The following LNPK variants were observed in gnomAD, a reference collection of about 807,000 sequenced individuals.
LNPK encodes the protein endoplasmic reticulum junction formation protein lunapark.
LNPK carries 29 observed loss-of-function variants against 55.2 expected under a neutral mutation model. The ratio of observed to expected loss-of-function variants is 0.53; its 90% confidence interval spans 0.39 to 0.72. LNPK has a LOEUF of 0.72. LNPK is among the 30% of genes least tolerant of loss of function. The pLI, the probability that LNPK is intolerant of heterozygous loss-of-function variation, is 0.00. For missense variants in LNPK, 467 were observed against 494.8 expected (o/e 0.94, Z 0.53); for synonymous variants, 162 against 168.2 (o/e 0.96, Z 0.29).
chr2:175,960,733 GAC>G (rs1574851542), intron 8 of LNPK, among the ~76,000 whole-genome samples: 1 of 151,974 alleles, frequency 6.6e-6, no homozygotes, highest in South Asian at 2.1e-4. Context: ...AGGAGATAGA[GAC>G]ACAAAAAAAC....
At position 175,937,495 on chromosome 2, in the gene LNPK, A is replaced by C. The variant is rs1294870830; in HGVS notation, c.903T>G (p.Cys301Trp). Residue 301 changes from cysteine to tryptophan, a missense_variant, in exon 12 of 13, where the codon TGT becomes TGG. Transcript: ENST00000272748. ...FEYIAFRCAY[C>W]FFLNPARKTR... ...TTTTTCTTGCAGGGTTCAAGAAAAA[A>C]CAGTAGGCACATCGAAAAGCTGCAG... 1 of 1,610,692 alleles carries C rather than the reference A, an allele frequency of 6.2e-7. No homozygotes were observed. Among genetic ancestry groups the C allele is most frequent in the Non-Finnish European group, 8.5e-7 (1 of 1,178,864 alleles).
At chr2:175,990,447 G>C (rs1559073539) in intron 4 of LNPK, among the ~76,000 whole-genome samples, 1 of 152,158 alleles carries the variant, frequency 6.6e-6, no homozygotes, top group Non-Finnish European at 1.5e-5. Flanking sequence ...TTCTTGTACA[G>C]TCTGCAGAAC....
At chr2:175,956,857 A>G (rs978662647) in intron 8 of LNPK, among the ~76,000 whole-genome samples, 2 of 151,956 alleles carry the variant, frequency 1.3e-5, no homozygotes, top group Admixed American at 6.6e-5. Context: ...CAAAACCCCA[A>G]CCCTGCTTAA....
intron 2 of LNPK, chr2:175,994,415 C>T (rs761095867): frequency 2.0e-4 from 119 of 604,490 alleles, no homozygotes; most frequent in Non-Finnish European, 2.3e-4. Context: ...AATTGTGTAC[C>T]AAGTATAGTT....
intron 8 of LNPK, among the ~76,000 whole-genome samples, chr2:175,948,050 T>C (rs1236275320): frequency 6.6e-6 from 1 of 152,178 alleles, no homozygotes; most frequent in Non-Finnish European, 1.5e-5. Flanking sequence ...AAACTCCAAA[T>C]TGCAGATTTG....
At chr2:175,947,786 A>C in intron 8 of LNPK, 94 bp from the exon 9 acceptor site, 1 of 803,732 alleles carries the variant, frequency 1.2e-6, no homozygotes, top group Middle Eastern at 3.9e-4. Flanking sequence ...TTTACGCCCC[A>C]AAAGGCATTG....
chr2:175,935,013 T>C (rs1317846750), intron 12 of LNPK, among the ~76,000 whole-genome samples: 3 of 152,044 alleles, frequency 2.0e-5, no homozygotes, highest in East Asian at 3.9e-4. Flanking sequence ...CCATCCTAAA[T>C]GCGAAATCTT....
At chr2:175,952,024 G>A (rs1321677989) in intron 8 of LNPK, among the ~76,000 whole-genome samples, 1 of 151,722 alleles carries the variant, frequency 6.6e-6, no homozygotes. Flanking sequence ...TTGCCCATTT[G>A]TATATTTTCT....
chr2:175,931,921 G>A (rs1286172052), intron 12 of LNPK, among the ~76,000 whole-genome samples: 1 of 152,170 alleles, frequency 6.6e-6, no homozygotes, highest in Non-Finnish European at 1.5e-5. Context: ...ATGTATCCAA[G>A]ACAGAATGTT....
At chr2:175,970,170 A>G (rs1419823648) in intron 6 of LNPK, among the ~76,000 whole-genome samples, 1 of 152,200 alleles carries the variant, frequency 6.6e-6, no homozygotes, top group Non-Finnish European at 1.5e-5. Flanking sequence ...ACTACTATGT[A>G]TCAATATCTA....
chr2:175,930,319 A>ACACAC (rs1490647796), intron 12 of LNPK, 120 bp from the exon 13 acceptor site: 9 of 531,868 alleles, frequency 1.7e-5, no homozygotes, highest in Middle Eastern at 4.6e-4. Context: ...CACACACACA[A>ACACAC]AGAAACCATA....
chr2:175,960,543 G>A (rs1182960368), intron 8 of LNPK, among the ~76,000 whole-genome samples: 1 of 152,172 alleles, frequency 6.6e-6, no homozygotes, highest in Non-Finnish European at 1.5e-5. Flanking sequence ...CAGAATCTCT[G>A]GGACACATTT....
chr2:175,969,913 T>C (rs542774507), intron 6 of LNPK, among the ~76,000 whole-genome samples: 1 of 152,288 alleles, frequency 6.6e-6, no homozygotes, highest in South Asian at 2.1e-4. Flanking sequence ...CAGTATCTAT[T>C]ATCATCAATT....
intron 9 of LNPK, 76 bp from the exon 10 acceptor site, chr2:175,939,733 A>G (rs1684726506): frequency 1.5e-6 from 1 of 647,718 alleles, no homozygotes; most frequent in Non-Finnish European, 2.6e-6. Context: ...ACCAAGAACT[A>G]CCTATACTTG....
intron 6 of LNPK, among the ~76,000 whole-genome samples, 167 bp downstream of exon 6, chr2:175,970,597 C>G (rs1039741433): frequency 6.6e-6 from 1 of 152,118 alleles, no homozygotes; most frequent in Non-Finnish European, 1.5e-5. Flanking sequence ...TTTTTCCTGT[C>G]AATCATTATT....
At position 175,967,777 on chromosome 2, in the gene LNPK, T is replaced by C. The variant is rs1352786981; in HGVS notation, c.357+2987A>G. 7.2e-6 allele frequency: 7 copies of C among 971,286 alleles called. No homozygotes were observed. In the East Asian group the frequency reaches 8.0e-4, roughly 111 times the overall value. 60.2% of individuals were successfully genotyped at this position (971,286 alleles called of 1,614,324 possible). Reference sequence around the variant, plus strand: ...ACAATAATAGTCACATCTTTCTTCTTTGCATTTCTTCTGTTATTGTGTAGC... The same window carrying C: ...ACAATAATAGTCACATCTTTCTTCTCTGCATTTCTTCTGTTATTGTGTAGC... On this transcript the variant is annotated intron_variant, in intron 6 of 12. Transcript: ENST00000272748.
chr2:175,997,672 T>C (rs1687990930), intron 1 of LNPK, among the ~76,000 whole-genome samples: 1 of 151,416 alleles, frequency 6.6e-6, no homozygotes, highest in African/African-American at 2.4e-5. Context: ...ACTTAGTAAG[T>C]ACTTCATTTC....
chr2:175,958,685 T>C lies in LNPK; in HGVS notation c.493+5687A>G, dbSNP rs1685829806. ...TCTCTTCCGAAGGATTGCAGCTCCTTGCCAGAAAAGGAACAAAGCTGGATG... is the reference window on the plus strand; with the variant it reads ...TCTCTTCCGAAGGATTGCAGCTCCTCGCCAGAAAAGGAACAAAGCTGGATG... On this transcript the variant is annotated intron_variant, in intron 8 of 12. Coordinates refer to ENST00000272748, the MANE Select transcript of LNPK (RefSeq NM_030650.3). Among the ~76,000 whole-genome samples, 3 of 152,068 alleles carry C rather than the reference T, an allele frequency of 2.0e-5. No homozygotes were observed. In the South Asian group the frequency reaches 6.2e-4, roughly 31 times the overall value.
intron 8 of LNPK, among the ~76,000 whole-genome samples, chr2:175,958,620 G>C (rs1003514537): frequency 1.3e-5 from 2 of 152,170 alleles, no homozygotes; most frequent in Non-Finnish European, 2.9e-5. Flanking sequence ...GGAGAAACCA[G>C]AGCAGAAAAG....
Sources: allele counts gnomAD v4.1 joint callset (sites outside exome capture counted in the v4.1 genomes callset), GRCh38; gene constraint gnomAD v4.1.1; transcripts MANE v1.5; gene names NCBI Gene and HGNC (gene_info 2026-07-23, HGNC 2026-07-21).